ANK3: variants seen among roughly 807,000 people sequenced by gnomAD.
ANK3 encodes ankyrin 3.
Under a neutral mutation model 370.9 loss-of-function variants are expected in ANK3, and 57 were observed. That is an observed-to-expected ratio of 0.15 (90% confidence interval 0.12 to 0.19). The LOEUF is 0.19. Ranked by LOEUF, ANK3 falls within the 10% of genes least tolerant of loss-of-function variation. The probability of loss-of-function intolerance (pLI) is 1.00; values close to 1 mark genes in which losing one functional copy is unlikely to be tolerated. For synonymous variants in ANK3, 1,929 were observed against 1,946.3 expected (o/e 0.99, Z 0.23); for missense variants, 4,439 against 5,302.1 (o/e 0.84, Z 5.06).
chr10:60,660,477 T>C lies in ANK3; in HGVS notation c.58-45253A>G, dbSNP rs139368208. Among the ~76,000 whole-genome samples, 286 of 152,302 alleles carry C rather than the reference T, an allele frequency of 1.9e-3. 2 individuals are homozygous for C. The highest frequency in any genetic ancestry group is 6.5e-3 in the African/African-American group (272 of 41,576). On this transcript the variant is annotated intron_variant, in intron 1 of 43. Coordinates refer to the ANK3 transcript ENST00000373827. ...TTATGCATATACTTATCATTTCTGA[T>C]GCTCTTCATTTTTTCTGTGGATCCA... is the stretch of plus-strand genomic sequence containing the variant.
chr10:60,133,040 G>C (rs945790871), intron 25 of ANK3, among the ~76,000 whole-genome samples: 2 of 152,136 alleles, frequency 1.3e-5, no homozygotes, highest in African/African-American at 4.8e-5. Context: ...ATATATTGTA[G>C]GTTCCTATGA....
At chr10:60,030,698 C>T (rs1282145078) in intron 43 of ANK3, among the ~76,000 whole-genome samples, 1 of 152,176 alleles carries the variant, frequency 6.6e-6, no homozygotes, top group East Asian at 1.9e-4. Context: ...AAACATGACC[C>T]AGCCCCCAGC....
At chr10:60,230,102 G>A (rs919965861) in intron 8 of ANK3, among the ~76,000 whole-genome samples, 1 of 152,112 alleles carries the variant, frequency 6.6e-6, no homozygotes, top group African/African-American at 2.4e-5. Flanking sequence ...AGATGGAGAG[G>A]AGTCAGTGAA....
intron 2 of ANK3, among the ~76,000 whole-genome samples, chr10:60,406,764 G>A (rs771009786): frequency 1.3e-5 from 2 of 152,172 alleles, no homozygotes; most frequent in Admixed American, 6.5e-5. Context: ...GGTTTATTAC[G>A]ACAAATAAAT....
intron 2 of ANK3, among the ~76,000 whole-genome samples, chr10:60,606,269 A>T (rs2078127223): frequency 6.6e-6 from 1 of 152,102 alleles, no homozygotes; most frequent in South Asian, 2.1e-4. Context: ...GTTGAGGAAC[A>T]TTTTCTTTTG....
intron 16 of ANK3, among the ~76,000 whole-genome samples, chr10:60,190,981 A>G (rs1358612990): frequency 2.0e-5 from 3 of 152,162 alleles, no homozygotes; most frequent in African/African-American, 7.2e-5. Context: ...ACAAACACAG[A>G]GAAAAGGACA....
chr10:60,143,247 C>G (rs2094650783), intron 23 of ANK3, among the ~76,000 whole-genome samples: 1 of 152,010 alleles, frequency 6.6e-6, no homozygotes, highest in Non-Finnish European at 1.5e-5. Context: ...TGAACAATAA[C>G]AACAACAAAG....
At chr10:60,326,751 T>G (rs1166128804) in intron 1 of ANK3, among the ~76,000 whole-genome samples, 5 of 152,064 alleles carry the variant, frequency 3.3e-5, no homozygotes, top group South Asian at 2.1e-4. Context: ...ACCGGGCGCG[T>G]TGACTCATGC....
At chr10:60,502,708 G>A (rs1220393172) in intron 2 of ANK3, among the ~76,000 whole-genome samples, 7 of 149,270 alleles carry the variant, frequency 4.7e-5, no homozygotes, top group Non-Finnish European at 1.0e-4. Flanking sequence ...AGGGAGGGAA[G>A]GAGGGAAGGA....
intron 8 of ANK3, among the ~76,000 whole-genome samples, chr10:60,216,697 G>T (rs1458070031): frequency 6.6e-6 from 1 of 152,144 alleles, no homozygotes; most frequent in Non-Finnish European, 1.5e-5. Context: ...TCTCATCGAT[G>T]TTCATCAGGG....
intron 1 of ANK3, among the ~76,000 whole-genome samples, chr10:60,625,570 T>C (rs1595360816): frequency 6.6e-6 from 1 of 152,194 alleles, no homozygotes; most frequent in East Asian, 1.9e-4. Flanking sequence ...ACCTAATTTA[T>C]GTGTTAAGGA....
intron 1 of ANK3, among the ~76,000 whole-genome samples, chr10:60,330,895 A>T (rs2051084857): frequency 6.6e-6 from 1 of 152,228 alleles, no homozygotes; most frequent in Non-Finnish European, 1.5e-5. Flanking sequence ...GACTGGATGA[A>T]GAAAATGTGG....
At chr10:60,652,768 GA>G (rs2078808075) in intron 1 of ANK3, among the ~76,000 whole-genome samples, 1 of 151,320 alleles carries the variant, frequency 6.6e-6, no homozygotes, top group Non-Finnish European at 1.5e-5. Flanking sequence ...TTTGAACCAG[GA>G]AGTAGTTAGA....
chr10:60,615,964 C>T (rs2078262466), intron 1 of ANK3, among the ~76,000 whole-genome samples: 1 of 152,160 alleles, frequency 6.6e-6, no homozygotes, highest in Admixed American at 6.5e-5. Context: ...CAAATTATTC[C>T]AACTGGTACT....
chr10:60,134,103 T>C (rs2132186029), intron 25 of ANK3, among the ~76,000 whole-genome samples, 168 bp downstream of exon 25: 1 of 148,154 alleles, frequency 6.7e-6, no homozygotes, highest in Non-Finnish European at 1.5e-5. Flanking sequence ...ACAGGAATAT[T>C]TCTGCTTATA....
At chr10:60,713,941 A>C (rs1392277546) in intron 1 of ANK3, among the ~76,000 whole-genome samples, 1 of 148,232 alleles carries the variant, frequency 6.7e-6, no homozygotes, top group African/African-American at 2.5e-5. Context: ...TAGAGAATAT[A>C]AAAAAAAAAG....
In ANK3 at chr10:60,551,723, C is replaced by T. The variant is rs1348786580; in HGVS notation, c.96+63463G>A. On this transcript the variant is annotated intron_variant, in intron 2 of 43. Coordinates refer to the ANK3 transcript ENST00000373827. ...TTTAGTCTTTTTGAAAAATTAGGCT[C>T]ATTTATATAGAGACTTTTATCTCAT... Among the ~76,000 whole-genome samples the T allele has an allele frequency of 2.6e-5, 4 of 152,082 alleles. No homozygotes were observed. In the East Asian group the frequency reaches 5.8e-4, roughly 22 times the overall value.
intron 25 of ANK3, among the ~76,000 whole-genome samples, chr10:60,115,912 A>G (rs1040912402): frequency 6.6e-6 from 1 of 152,200 alleles, no homozygotes; most frequent in Non-Finnish European, 1.5e-5. Flanking sequence ...GATAAAAGGT[A>G]TTAGCCCACA....
chr10:60,063,142 A>G lies in ANK3; in HGVS notation c.12564T>C (p.Asp4188=), dbSNP rs1317140603. The change falls in exon 40 of 44, where the codon GAT becomes GAC. Residue 4188 remains aspartate, a synonymous_variant. Transcript: ENST00000280772. Reference sequence around the variant, plus strand: ...CAGGGTCATGGAAAACATTGTTCTCATCTGCAAAACTTCTGGTGCCTGAAA... The same window carrying G: ...CAGGGTCATGGAAAACATTGTTCTCGTCTGCAAAACTTCTGGTGCCTGAAA... ...GNISGTRSFA[D]ENNVFHDPVD... is the part of the protein sequence containing the mutation. 7.4e-6 allele frequency: 12 copies of G among 1,613,268 alleles called. No homozygotes were observed. Among genetic ancestry groups the G allele is most frequent in the African/African-American group, 1.3e-5 (1 of 74,932 alleles).
Sources: allele counts gnomAD v4.1 joint callset (sites outside exome capture counted in the v4.1 genomes callset), GRCh38; gene constraint gnomAD v4.1.1; transcripts MANE v1.5; gene names NCBI Gene and HGNC (gene_info 2026-07-23, HGNC 2026-07-21).